The following RHBDD1 variants were observed in gnomAD, a reference collection of about 807,000 sequenced individuals.
RHBDD1 encodes rhomboid domain containing 1.
A neutral mutation model predicts 36.3 loss-of-function variants in RHBDD1; 38 were observed. The observed-to-expected ratio is 1.05, with a 90% CI of 0.81 to 1.37. RHBDD1 has a LOEUF of 1.37. RHBDD1 is among the 40% of genes most tolerant of loss of function. The pLI, the probability that RHBDD1 is intolerant of heterozygous loss-of-function variation, is 0.00. For missense variants in RHBDD1, 393 were observed against 377.6 expected (o/e 1.04, Z -0.34); for synonymous variants, 151 against 136.5 (o/e 1.11, Z -0.74).
At chr2:226,921,953 T>G (rs1949340769) in intron 8 of RHBDD1, among the ~76,000 whole-genome samples, 1 of 152,272 alleles carries the variant, frequency 6.6e-6, no homozygotes, top group South Asian at 2.1e-4. Context: ...GCAGCTATTA[T>G]TGTATTGGGA....
At chr2:226,959,072 G>A (rs1008515913) in intron 8 of RHBDD1, among the ~76,000 whole-genome samples, 11 of 151,974 alleles carry the variant, frequency 7.2e-5, no homozygotes, top group African/African-American at 1.2e-4. Flanking sequence ...TTCAGGAGCC[G>A]AACAGATAAC....
chr2:226,818,371 TTA>T, the RHBDD1 span, among the ~76,000 whole-genome samples: 1 of 150,534 alleles, frequency 6.6e-6, no homozygotes, highest in African/African-American at 2.4e-5. Context: ...TTTCACTGTG[TTA>T]GCCAGGATGG....
intron 3 of RHBDD1, among the ~76,000 whole-genome samples, chr2:226,859,330 A>G (rs72965986): frequency 0.17 from 26,304 of 152,202 alleles, 3,499 homozygotes; most frequent in African/African-American, 0.37. Flanking sequence ...CCCTAACAAT[A>G]CAATAAAACA....
At chr2:226,941,403 C>T (rs1249553702) in intron 8 of RHBDD1, among the ~76,000 whole-genome samples, 2 of 152,200 alleles carry the variant, frequency 1.3e-5, no homozygotes, top group Non-Finnish European at 1.5e-5. Context: ...GGCAAGTCCA[C>T]CTGGCCTTTG....
intron 8 of RHBDD1, among the ~76,000 whole-genome samples, chr2:226,945,171 T>TTATTAC (rs1950896412): frequency 6.7e-6 from 1 of 149,698 alleles, no homozygotes; most frequent in African/African-American, 2.4e-5. Flanking sequence ...ATTATTATTA[T>TTATTAC]TATTATACTT....
At chr2:226,936,273 G>C (rs1386491453) in intron 8 of RHBDD1, among the ~76,000 whole-genome samples, 1 of 152,052 alleles carries the variant, frequency 6.6e-6, no homozygotes, top group Non-Finnish European at 1.5e-5. Flanking sequence ...CTTATATCTA[G>C]ATTGTGGTTA....
chr2:226,867,247 T>C lies in RHBDD1; in HGVS notation c.495T>C (p.Ile165=). 6.2e-7 allele frequency: 1 copy of C among 1,613,746 alleles called. No individual in the cohort carries two copies. The highest frequency in any genetic ancestry group is 8.5e-7 in the Non-Finnish European group (1 of 1,179,810). ...NHYCPGGFVN[I]LGFPVPNRFA... ...ATTGCCCTGGAGGCTTTGTCAACATTTTGGGCTTTCCTGTACCGAACAGAT... is the reference window on the plus strand; with the variant it reads ...ATTGCCCTGGAGGCTTTGTCAACATCTTGGGCTTTCCTGTACCGAACAGAT... Residue 165 remains isoleucine, a synonymous_variant, in exon 5 of 9, where the codon ATT becomes ATC. Transcript: ENST00000392062.
intron 8 of RHBDD1, among the ~76,000 whole-genome samples, chr2:226,994,872 G>T (rs1401210787): frequency 6.6e-6 from 1 of 152,144 alleles, no homozygotes; most frequent in Non-Finnish European, 1.5e-5. Context: ...CTTGAAATAT[G>T]ATGCCTACAT....
chr2:226,803,241 A>C, the RHBDD1 span, among the ~76,000 whole-genome samples: 1 of 152,168 alleles, frequency 6.6e-6, no homozygotes, highest in South Asian at 2.1e-4. Context: ...AATAGATAAA[A>C]AGACAGCTTC....
chr2:226,929,079 G>A (rs552677803), intron 8 of RHBDD1, among the ~76,000 whole-genome samples: 1 of 152,126 alleles, frequency 6.6e-6, no homozygotes, highest in Non-Finnish European at 1.5e-5. Context: ...GACATTCAAA[G>A]AATTGGTACC....
chr2:226,990,325 G>A (rs944054932), intron 8 of RHBDD1, among the ~76,000 whole-genome samples: 2 of 152,150 alleles, frequency 1.3e-5, no homozygotes, highest in African/African-American at 4.8e-5. Context: ...AACATGGGTC[G>A]CATGCTGCTG....
intron 8 of RHBDD1, among the ~76,000 whole-genome samples, chr2:226,955,528 A>G (rs542802539): frequency 1.1e-4 from 16 of 152,194 alleles, no homozygotes; most frequent in Non-Finnish European, 1.8e-4. Flanking sequence ...GTGTCCTCCC[A>G]TCTTGGTTTT....
At chr2:226,956,876 T>C (rs1240359892) in intron 8 of RHBDD1, among the ~76,000 whole-genome samples, 3 of 152,312 alleles carry the variant, frequency 2.0e-5, no homozygotes, top group East Asian at 3.9e-4. Context: ...ATGTGATGTT[T>C]CAAGGCCAAA....
upstream of RHBDD1, among the ~76,000 whole-genome samples, chr2:226,835,081 T>C (rs764605103): frequency 1.7e-4 from 26 of 151,988 alleles, no homozygotes; most frequent in Non-Finnish European, 3.1e-4. Context: ...AGGCCTGTTG[T>C]TGTTTTTTAA....
chr2:226,919,119 G>T (rs1455903000), intron 8 of RHBDD1, among the ~76,000 whole-genome samples: 2 of 151,918 alleles, frequency 1.3e-5, no homozygotes, highest in Admixed American at 6.6e-5. Flanking sequence ...GCCTTCTTTT[G>T]GGAAATGTCT....
At chr2:226,962,268 T>A (rs1484862658) in intron 8 of RHBDD1, among the ~76,000 whole-genome samples, 2 of 152,240 alleles carry the variant, frequency 1.3e-5, no homozygotes, top group Non-Finnish European at 2.9e-5. Context: ...TTCCCAAGGC[T>A]CATTGTGCAG....
intron 4 of RHBDD1, among the ~76,000 whole-genome samples, chr2:226,866,942 A>G (rs749910359): frequency 6.6e-6 from 1 of 152,188 alleles, no homozygotes; most frequent in African/African-American, 2.4e-5. Context: ...CATGGTAGGT[A>G]TTATGTATTT....
chr2:226,857,293 A>C (rs1443281075), intron 3 of RHBDD1, among the ~76,000 whole-genome samples: 3 of 152,166 alleles, frequency 2.0e-5, no homozygotes, highest in African/African-American at 4.8e-5. Context: ...AAATACAAGC[A>C]TTGTTGAGGA....
At chr2:226,893,776 G>A (rs531493346) in intron 5 of RHBDD1, among the ~76,000 whole-genome samples, 5 of 152,084 alleles carry the variant, frequency 3.3e-5, no homozygotes, top group African/African-American at 1.2e-4. Flanking sequence ...GGCATTTGGG[G>A]TGCAGGGGCC....
Sources: gnomAD v4.1 joint callset for allele counts (sites outside exome capture counted in the v4.1 genomes callset) on GRCh38, gnomAD v4.1.1 for gene constraint, MANE v1.5 for transcripts, NCBI Gene and HGNC (gene_info 2026-07-23, HGNC 2026-07-21) for gene names.